PKHD1L1: variants seen among roughly 807,000 people sequenced by gnomAD.
The protein encoded by PKHD1L1 is PKHD1 like 1, also known as fibrocystin-L.
Under a neutral mutation model 462.9 loss-of-function variants are expected in PKHD1L1, and 434 were observed. The ratio of observed to expected loss-of-function variants is 0.94; its 90% CI spans 0.87 to 1.02. The LOEUF (loss-of-function observed/expected upper bound fraction) is 1.02. Among genes scored for constraint, PKHD1L1 ranks in the 50% least tolerant of loss-of-function variants. The probability of loss-of-function intolerance (pLI) is 0.00; values close to 1 mark genes in which losing one functional copy is unlikely to be tolerated. For synonymous variants in PKHD1L1, 1,781 were observed against 1,750.0 expected (o/e 1.02, Z -0.44); for missense variants, 5,202 against 5,096.1 (o/e 1.02, Z -0.63).
intron 36 of PKHD1L1, 55 bp downstream of exon 36, chr8:109,443,171 A>T: frequency 6.5e-7 from 1 of 1,534,904 alleles, no homozygotes; most frequent in Admixed American, 1.7e-5. Flanking sequence ...GGTGTATGTG[A>T]TATTTCTGGA....
intron 41 of PKHD1L1, 34 bp downstream of exon 41, chr8:109,451,183 A>G (rs1196065826): frequency 1.3e-6 from 2 of 1,556,200 alleles, no homozygotes; most frequent in East Asian, 4.6e-5. Context: ...ATCATTGTGC[A>G]TTTCCAGACT....
At chr8:109,478,519 C>T (rs1397298206) in intron 53 of PKHD1L1, among the ~76,000 whole-genome samples, 1 of 151,998 alleles carries the variant, frequency 6.6e-6, no homozygotes, top group Non-Finnish European at 1.5e-5. Context: ...GGAACACCCT[C>T]AGGGAGGGGT....
intron 70 of PKHD1L1, 36 bp from the exon 71 acceptor site, chr8:109,510,741 T>C: frequency 3.1e-6 from 5 of 1,594,584 alleles, no homozygotes; most frequent in Non-Finnish European, 3.4e-6. Context: ...AAATGTATGA[T>C]ATAGGAGTAT....
chr8:109,466,488 G>A, intron 49 of PKHD1L1, 90 bp from the exon 50 acceptor site: 1 of 1,274,840 alleles, frequency 7.8e-7, no homozygotes, highest in South Asian at 1.6e-5. Flanking sequence ...TGTATTAGTG[G>A]TACTATGGGT....
At chr8:109,517,212 C>T (rs1345351201) in intron 72 of PKHD1L1, among the ~76,000 whole-genome samples, 12 of 152,042 alleles carry the variant, frequency 7.9e-5, no homozygotes, top group Admixed American at 6.6e-5. Flanking sequence ...TCTGAAACAG[C>T]GTTGCTTTTA....
chr8:109,485,028 C>A lies in PKHD1L1; in HGVS notation c.9577-16C>A. On this transcript the variant is annotated splice_polypyrimidine_tract_variant and intron_variant, in intron 57 of 77. Transcript: ENST00000378402. ...TTTAAAATTGTTCTTAAATTTGGCA[C>A]TTGAATTTTTCTAAGGAGGGAGAAG... 6.4e-7 allele frequency: 1 copy of A among 1,559,436 alleles called. No individual in the cohort carries two copies. Among genetic ancestry groups the A allele is most frequent in the Non-Finnish European group, 8.6e-7 (1 of 1,158,672 alleles).
At chr8:109,461,303 T>A (rs1260588354) in intron 47 of PKHD1L1, among the ~76,000 whole-genome samples, 1 of 152,212 alleles carries the variant, frequency 6.6e-6, no homozygotes, top group Non-Finnish European at 1.5e-5. Context: ...TCAGTTCATC[T>A]GCGTCAATTA....
At chr8:109,501,859 T>G (rs1219785139) in intron 67 of PKHD1L1, among the ~76,000 whole-genome samples, 2 of 152,184 alleles carry the variant, frequency 1.3e-5, no homozygotes, top group Admixed American at 1.3e-4. Context: ...ATACCCATTT[T>G]GACATGTCTA....
At position 109,464,592 on chromosome 8, in the gene PKHD1L1, G is replaced by A. The variant is rs757598291; in HGVS notation, c.7760G>A (p.Arg2587Gln). Residue 2587 changes from arginine (R) to glutamine (Q), a missense_variant, in exon 49 of 78, where the codon CGG (arginine) becomes CAG (glutamine). Transcript: ENST00000378402. The part of the protein sequence containing the change: ...AGGTHFGFWY[R>Q]MNNHPDGPSY... The stretch of plus-strand genomic sequence containing the variant: ...GGCACTCACTTTGGCTTTTGGTACC[G>A]GATGAACAACCACCCTGATGGGCCA... The A allele has an allele frequency of 1.9e-5, 31 of 1,612,578 alleles. No individual in the cohort carries two copies. The highest frequency in any genetic ancestry group is 1.1e-4 in the East Asian group (5 of 44,874).
At chr8:109,418,957 T>G (rs1264530730) in intron 21 of PKHD1L1, 140 bp from the exon 22 acceptor site, 3 of 623,250 alleles carry the variant, frequency 4.8e-6, no homozygotes, top group Admixed American at 3.2e-5. Flanking sequence ...TACGGCTGCT[T>G]TTCTGTGCTA....
At chr8:109,503,098 G>C (rs1477176664) in intron 67 of PKHD1L1, among the ~76,000 whole-genome samples, 3 of 152,144 alleles carry the variant, frequency 2.0e-5, no homozygotes, top group Non-Finnish European at 4.4e-5. Flanking sequence ...TTGAGGTCAG[G>C]AGTTTGAGGC....
intron 27 of PKHD1L1, among the ~76,000 whole-genome samples, chr8:109,431,321 ATATTT>A (rs1815089041): frequency 6.9e-6 from 1 of 144,932 alleles, no homozygotes; most frequent in South Asian, 2.1e-4. Flanking sequence ...AAAAATACAT[ATATTT>A]TTCACTGAAA....
At chr8:109,473,704 A>G (rs1321687440) in intron 50 of PKHD1L1, among the ~76,000 whole-genome samples, 1 of 152,026 alleles carries the variant, frequency 6.6e-6, no homozygotes, top group African/African-American at 2.4e-5. Flanking sequence ...ACAATCATTT[A>G]TTCTTAGGTG....
intron 2 of PKHD1L1, among the ~76,000 whole-genome samples, chr8:109,380,319 G>A (rs996064292): frequency 7.2e-5 from 11 of 152,190 alleles, no homozygotes; most frequent in African/African-American, 2.7e-4. Context: ...GAGTAGCTAT[G>A]TGTTGTATAG....
chr8:109,399,421 A>G (rs1299373764), intron 12 of PKHD1L1, among the ~76,000 whole-genome samples: 1 of 152,074 alleles, frequency 6.6e-6, no homozygotes, highest in African/African-American at 2.4e-5. Flanking sequence ...GTTGAAGGAA[A>G]AAAAAAAGAG....
intron 9 of PKHD1L1, among the ~76,000 whole-genome samples, chr8:109,392,975 C>A (rs943419829): frequency 6.6e-6 from 1 of 152,088 alleles, no homozygotes; most frequent in Non-Finnish European, 1.5e-5. Flanking sequence ...GTGAAAATAA[C>A]CTCAGTGTCA....
At chr8:109,394,344 T>A in intron 9 of PKHD1L1, 71 bp from the exon 10 acceptor site, 1 of 937,294 alleles carries the variant, frequency 1.1e-6, no homozygotes, top group Non-Finnish European at 1.6e-6. Flanking sequence ...ATAATTTCTA[T>A]CACTGAAGTT....
In PKHD1L1 at chr8:109,535,884, G is replaced by A. The variant is rs1316893751; in HGVS notation, c.*5794G>A. Among the ~76,000 whole-genome samples, 1 of 152,156 alleles carries A rather than the reference G, an allele frequency of 6.6e-6. No individual in the cohort carries two copies. Among genetic ancestry groups the A allele is most frequent in the Non-Finnish European group, 1.5e-5 (1 of 68,030 alleles). On this transcript the variant is annotated 3_prime_UTR_variant, in exon 78 of 78. Coordinates refer to ENST00000378402, the MANE Select transcript of PKHD1L1 (RefSeq NM_177531.6). ...TTGGTATGAAATAAATATCCCATGAGTAGTACATAAAAGCCTGGAGAGAGA... is the reference window on the plus strand; with the variant it reads ...TTGGTATGAAATAAATATCCCATGAATAGTACATAAAAGCCTGGAGAGAGA...
rs185244034 is a variant in PKHD1L1 at position 109,523,534 on chromosome 8, T to C, written c.12484+148T>C. The C allele has an allele frequency of 5.1e-5, 34 of 671,032 alleles. No individual in the cohort carries two copies. The East Asian group carries it at 8.8e-4, about 17-fold the overall frequency. 41.6% of individuals were successfully genotyped at this position (671,032 alleles called of 1,614,324 possible). On this transcript the variant is annotated intron_variant, in intron 76 of 77. Coordinates refer to ENST00000378402, the MANE Select transcript of PKHD1L1 (RefSeq NM_177531.6). ...TATTTTGCCTTGTTTCAGAAAATAT[T>C]TAGTCTAGCTTAAGAATAGATTTCA...
Sources: gnomAD v4.1 joint callset for allele counts (sites outside exome capture counted in the v4.1 genomes callset) on GRCh38, gnomAD v4.1.1 for gene constraint, MANE v1.5 for transcripts, NCBI Gene and HGNC (gene_info 2026-07-23, HGNC 2026-07-21) for gene names.